Variants in HIPK2 observed in about 807,000 individuals in gnomAD.
HIPK2 encodes homeodomain-interacting protein kinase 2.
In HIPK2, 27 loss-of-function variants were observed where a neutral mutation model predicts 113.7. The ratio of observed to expected loss-of-function variants is 0.24; its 90% CI spans 0.17 to 0.33. The LOEUF (loss-of-function observed/expected upper bound fraction) is 0.33, where lower values mean the gene tolerates loss of function less well. Among genes scored for constraint, HIPK2 ranks in the 10% least tolerant of loss-of-function variants. The pLI, the probability that HIPK2 is intolerant of heterozygous loss-of-function variation, is 1.00. For missense variants in HIPK2, 1,257 were observed against 1,588.0 expected, an observed-to-expected ratio of 0.79 and a Z score of 3.54; for synonymous variants, 631 against 642.2, an observed-to-expected ratio of 0.98 and a Z score of 0.26.
chr7:139,705,629 G>C (rs1201401500), intron 2 of HIPK2, among the ~76,000 whole-genome samples: 1 of 151,890 alleles, frequency 6.6e-6, no homozygotes, highest in Non-Finnish European at 1.5e-5. Flanking sequence ...CGCCCGCCTC[G>C]GCCTCCCAAA....
chr7:139,721,425 G>C (rs1795404526), intron 1 of HIPK2, among the ~76,000 whole-genome samples: 1 of 152,162 alleles, frequency 6.6e-6, no homozygotes, highest in Non-Finnish European at 1.5e-5. Context: ...CTTTCAGAGA[G>C]TTGAGCCCAC....
chr7:139,668,613 G>A (rs933814925), intron 2 of HIPK2, among the ~76,000 whole-genome samples: 1 of 152,020 alleles, frequency 6.6e-6, no homozygotes, highest in African/African-American at 2.4e-5. Flanking sequence ...ATTTAACTGG[G>A]TGTCTGGTGA....
At chr7:139,646,639 G>A (rs1400772219) in intron 2 of HIPK2, among the ~76,000 whole-genome samples, 1 of 152,104 alleles carries the variant, frequency 6.6e-6, no homozygotes, top group African/African-American at 2.4e-5. Context: ...CTCTCCTACA[G>A]TGCCTTTGGA....
At chr7:139,771,329 T>C (rs1210658676) in intron 1 of HIPK2, among the ~76,000 whole-genome samples, 1 of 151,972 alleles carries the variant, frequency 6.6e-6, no homozygotes, top group Non-Finnish European at 1.5e-5. Flanking sequence ...CTACGGGAGA[T>C]AATTAAGCAA....
intron 1 of HIPK2, among the ~76,000 whole-genome samples, chr7:139,729,415 C>T (rs1795703039): frequency 1.4e-5 from 2 of 141,560 alleles, no homozygotes; most frequent in African/African-American, 5.2e-5. Context: ...AACACAAAAA[C>T]TAGGTTTCCA....
At chr7:139,724,004 C>CT (rs769658116) in intron 1 of HIPK2, among the ~76,000 whole-genome samples, 4,864 of 137,272 alleles carry the variant, frequency 0.035, 170 homozygotes, top group African/African-American at 0.089. Context: ...TGCTACAGAT[C>CT]TTTTTTTTTT....
intron 2 of HIPK2, among the ~76,000 whole-genome samples, chr7:139,634,588 T>G (rs1196890952): frequency 6.6e-6 from 1 of 152,036 alleles, no homozygotes; most frequent in East Asian, 1.9e-4. Flanking sequence ...TACTGCCAGG[T>G]TGCCTCTAGC....
chr7:139,599,957 A>G (rs1421640334), intron 11 of HIPK2, among the ~76,000 whole-genome samples: 3 of 152,012 alleles, frequency 2.0e-5, no homozygotes, highest in Non-Finnish European at 2.9e-5. Context: ...ATCACCCTCG[A>G]TATCTGATGA....
intron 13 of HIPK2, among the ~76,000 whole-genome samples, chr7:139,578,503 G>A (rs1798562095): frequency 6.6e-6 from 1 of 152,176 alleles, no homozygotes; most frequent in African/African-American, 2.4e-5. Flanking sequence ...CAGGAAAAAG[G>A]GAGCGCATTT....
Position 139,572,894 on chromosome 7 carries a change from T to TACCAAA in HIPK2, c.*32_*33insTTTGGT. The TACCAAA allele has an allele frequency of 1.8e-6, 1 of 554,278 alleles. No homozygotes were observed. Among genetic ancestry groups the TACCAAA allele is most frequent in the Non-Finnish European group, 3.3e-6 (1 of 302,510 alleles). 34.3% of individuals were successfully genotyped at this position (554,278 alleles called of 1,614,324 possible). A position where few individuals can be genotyped will look rare whatever the true frequency, so the allele number is the denominator to read the frequency against. ...CTCCCTCCTCCCTCGGGCCATTCTC[T>TACCAAA]CCCTCCCTCCCTCCCTCCCTCCCCT... On this transcript the variant is annotated 3_prime_UTR_variant, in exon 15 of 15. Transcript: ENST00000406875.
chr7:139,665,592 AT>A (rs1802021204), intron 2 of HIPK2, among the ~76,000 whole-genome samples: 2 of 151,654 alleles, frequency 1.3e-5, no homozygotes, highest in Non-Finnish European at 2.9e-5. Context: ...CCATCCATCC[AT>A]CCATCCATCC....
chr7:139,682,018 C>T (rs773444379), intron 2 of HIPK2, among the ~76,000 whole-genome samples: 13 of 152,150 alleles, frequency 8.5e-5, no homozygotes, highest in East Asian at 1.9e-4. Flanking sequence ...TACTCGTGCA[C>T]GGCTTATGTC....
chr7:139,631,189 T>C lies in HIPK2; in HGVS notation c.1323A>G (p.Ser441=). The C allele has an allele frequency of 6.2e-7, 1 of 1,613,312 alleles. No homozygotes were observed. The highest frequency in any genetic ancestry group is 8.5e-7 in the Non-Finnish European group (1 of 1,179,628). The change falls in exon 4 of 15, where the codon TCA becomes TCG. Residue 441 remains serine (S), a synonymous_variant. Transcript: ENST00000406875. The surrounding 1 kb of genome is among the most constrained non-coding windows in gnomAD (Gnocchi z 4.9). ...TTRFFNRDTD[S]PYPLWRLKTP... Reference sequence around the variant, plus strand: ...CCTTCAGTCTCCACAAAGGATATGGTGAGTCCGTGTCACGGTTGAAAAACC... The same window carrying C: ...CCTTCAGTCTCCACAAAGGATATGGCGAGTCCGTGTCACGGTTGAAAAACC...
intron 2 of HIPK2, among the ~76,000 whole-genome samples, chr7:139,674,020 G>A (rs1230916638): frequency 2.0e-5 from 3 of 149,438 alleles, no homozygotes; most frequent in African/African-American, 7.5e-5. Context: ...GCAGTGAGAT[G>A]AGCCTACTGC....
At chr7:139,634,675 T>G (rs78053668) in intron 2 of HIPK2, among the ~76,000 whole-genome samples, 1 of 109,884 alleles carries the variant, frequency 9.1e-6, no homozygotes, top group Non-Finnish European at 1.8e-5. Context: ...CTGTTTCAGG[T>G]TTTTTTTTTT....
intron 2 of HIPK2, among the ~76,000 whole-genome samples, chr7:139,640,523 G>A (rs1800973932): frequency 6.6e-6 from 1 of 152,206 alleles, no homozygotes; most frequent in Admixed American, 6.5e-5. Flanking sequence ...GTTAAACAGA[G>A]CATCATAGGG....
intron 5 of HIPK2, among the ~76,000 whole-genome samples, chr7:139,628,262 A>C (rs932969327): frequency 6.6e-6 from 1 of 152,164 alleles, no homozygotes; most frequent in African/African-American, 2.4e-5. Context: ...GGGGAATGAA[A>C]GTCTGTTGTC....
At chr7:139,651,433 A>C (rs1308327597) in intron 2 of HIPK2, among the ~76,000 whole-genome samples, 1 of 152,232 alleles carries the variant, frequency 6.6e-6, no homozygotes, top group African/African-American at 2.4e-5. Flanking sequence ...TTTCCTGCTG[A>C]AAATCAAAAG....
chr7:139,709,168 T>C lies in HIPK2; in HGVS notation c.1103+6764A>G, dbSNP rs73156897. Among the ~76,000 whole-genome samples, 561 of 152,270 alleles carry C rather than the reference T, an allele frequency of 3.7e-3. 3 individuals are homozygous for C. Among genetic ancestry groups the C allele is most frequent in the Admixed American group, 7.7e-3 (118 of 15,300 alleles). ...GAAGCTGCAACCCGAAACGCATACA[T>C]GTACGTATTTATAACAGTCTCCCTG... On this transcript the variant is annotated intron_variant, in intron 2 of 14. Transcript: ENST00000406875.
Sources: gnomAD v4.1 joint callset for allele counts (sites outside exome capture counted in the v4.1 genomes callset) on GRCh38, gnomAD v4.1.1 for gene constraint, Gnocchi (gnomAD v3.1) non-coding constraint, MANE v1.5 for transcripts, NCBI Gene and HGNC (gene_info 2026-07-23, HGNC 2026-07-21) for gene names.